The following MSRA variants were observed in gnomAD, a reference collection of about 807,000 sequenced individuals.
MSRA encodes the protein mitochondrial peptide methionine sulfoxide reductase.
Under a neutral mutation model 31.3 loss-of-function variants are expected in MSRA, and 54 were observed. The ratio of observed to expected loss-of-function variants is 1.73; its 90% confidence interval spans 1.39 to 2.17. The LOEUF (loss-of-function observed/expected upper bound fraction) is 2.17. MSRA is among the 30% of genes most tolerant of loss of function. The probability of loss-of-function intolerance (pLI) is 0.00; values close to 1 mark genes in which losing one functional copy is unlikely to be tolerated. For synonymous variants in MSRA, 169 were observed against 116.5 expected (o/e 1.45, Z -2.90); for missense variants, 507 against 300.9 (o/e 1.69, Z -5.07).
Position 10,192,518 on chromosome 8 carries a change from G to A in MSRA, c.143-15315G>A, listed in dbSNP as rs1235959211. ...TTAACTTAAAGTGTACCTTGCAATT[G>A]AACAGTGGTTGTTGTGCAACAAGGG... On this transcript the variant is annotated intron_variant, in intron 1 of 5. Transcript: ENST00000317173. Among the ~76,000 whole-genome samples the A allele has an allele frequency of 2.0e-5, 3 of 152,220 alleles. No homozygotes were observed. The East Asian group carries it at 5.8e-4, about 29-fold the overall frequency.
intron 1 of MSRA, among the ~76,000 whole-genome samples, chr8:10,083,555 C>G (rs1170604308): frequency 6.6e-6 from 1 of 152,156 alleles, no homozygotes; most frequent in African/African-American, 2.4e-5. Flanking sequence ...AATCATAAAC[C>G]TACAGTGTCT....
chr8:10,391,103 G>A (rs940547705), intron 5 of MSRA, among the ~76,000 whole-genome samples: 2 of 152,130 alleles, frequency 1.3e-5, no homozygotes. Context: ...ATATTTCCCA[G>A]ACTTACTTGT....
chr8:10,386,873 A>T (rs199497821), intron 5 of MSRA, among the ~76,000 whole-genome samples: 6 of 25,480 alleles, frequency 2.4e-4, no homozygotes, highest in East Asian at 1.5e-3. Flanking sequence ...TGGATTATTT[A>T]AAAAAAAAAA....
chr8:10,212,082 G>A lies in MSRA; in HGVS notation c.211+4181G>A, dbSNP rs374432121. 2.6e-4 allele frequency among the ~76,000 whole-genome samples: 40 copies of A among 152,072 alleles called. No individual in the cohort carries two copies. The East Asian group carries it at 5.6e-3, about 21-fold the overall frequency. ...TGCACCTCTAATCCTAGCTACTTGG[G>A]AGGCTGAGGCAGGAGAATTACTTGA... On this transcript the variant is annotated intron_variant, in intron 2 of 5. Transcript: ENST00000317173.
At chr8:10,323,934 CAG>C (rs142117297) in intron 5 of MSRA, among the ~76,000 whole-genome samples, 1,719 of 152,322 alleles carry the variant, frequency 0.011, 36 homozygotes, top group African/African-American at 0.039. Flanking sequence ...ATCACCAACT[CAG>C]GGGACAAATG....
intron 2 of MSRA, among the ~76,000 whole-genome samples, chr8:10,216,430 G>T (rs1809994403): frequency 6.6e-6 from 1 of 152,294 alleles, no homozygotes; most frequent in East Asian, 1.9e-4. Context: ...TACATAATAT[G>T]AAATTTATCA....
rs369422631 is a variant in MSRA, at chr8:10,323,919, G to A, written c.543+3930G>A. Among the ~76,000 whole-genome samples the A allele has an allele frequency of 3.9e-5, 6 of 152,170 alleles. No homozygotes were observed. The South Asian group carries it at 1.2e-3, about 32-fold the overall frequency. ...CTGCTCACATTACTGCATATAAACT[G>A]CTTAATCACCAACTCAGGGGACAAA... On this transcript the variant is annotated intron_variant, in intron 5 of 5. Coordinates refer to ENST00000317173, the MANE Select transcript of MSRA (RefSeq NM_012331.5).
intron 1 of MSRA, among the ~76,000 whole-genome samples, chr8:10,200,612 C>T (rs1186004425): frequency 6.6e-6 from 1 of 152,128 alleles, no homozygotes; most frequent in East Asian, 1.9e-4. Context: ...GCGTAGTGGT[C>T]AGCAGGGAGG....
intron 5 of MSRA, among the ~76,000 whole-genome samples, chr8:10,329,284 G>T (rs2129143030): frequency 6.6e-6 from 1 of 152,330 alleles, no homozygotes; most frequent in South Asian, 2.1e-4. Flanking sequence ...GGTACTAGCT[G>T]GGCTCTGCTC....
At chr8:10,180,290 A>G (rs1276248587) in intron 1 of MSRA, among the ~76,000 whole-genome samples, 1 of 152,196 alleles carries the variant, frequency 6.6e-6, no homozygotes. Context: ...AACCCAATGG[A>G]AGAGGTGCAT....
intron 1 of MSRA, among the ~76,000 whole-genome samples, chr8:10,109,136 C>A (rs930258712): frequency 6.6e-6 from 1 of 152,122 alleles, no homozygotes; most frequent in African/African-American, 2.4e-5. Context: ...TAGCAAAACA[C>A]AAATTAAGTC....
At chr8:10,282,475 A>G (rs1799673080) in intron 3 of MSRA, among the ~76,000 whole-genome samples, 1 of 152,218 alleles carries the variant, frequency 6.6e-6, no homozygotes, top group Admixed American at 6.5e-5. Flanking sequence ...GCAAAGCCAT[A>G]TTTGCCAGCA....
Position 10,301,650 on chromosome 8 carries a change from A to C in MSRA, c.436+12A>C. 6.3e-7 allele frequency: 1 copy of C among 1,592,534 alleles called. No individual in the cohort carries two copies. Among genetic ancestry groups the C allele is most frequent in the South Asian group, 1.1e-5 (1 of 89,738 alleles). Reference sequence around the variant, plus strand: ...CGACCCGACCCAAGGTAGAGTGATGAGTGAGCCAGTATTTAATTATCTTAC... The same window carrying C: ...CGACCCGACCCAAGGTAGAGTGATGCGTGAGCCAGTATTTAATTATCTTAC... On this transcript the variant is annotated intron_variant, in intron 4 of 5. Coordinates refer to ENST00000317173, the MANE Select transcript of MSRA (RefSeq NM_012331.5).
At chr8:10,173,102 A>C (rs529687588) in intron 1 of MSRA, among the ~76,000 whole-genome samples, 12 of 152,362 alleles carry the variant, frequency 7.9e-5, no homozygotes, top group South Asian at 4.1e-4. Context: ...TCTCACAGCA[A>C]TCTGGGTCTT....
rs547034512 is a variant in MSRA, at chr8:10,059,283, G to C, written c.142+4625G>C. Among the ~76,000 whole-genome samples, 3 of 152,302 alleles carry C rather than the reference G, an allele frequency of 2.0e-5. No individual in the cohort carries two copies. In the South Asian group the frequency reaches 6.2e-4, roughly 32 times the overall value. ...CTCACACTTGTTAAGTGTCTTGTAT[G>C]CCAGGCACTGTAGTAATTTACTAAT... On this transcript the variant is annotated intron_variant, in intron 1 of 5. Coordinates refer to ENST00000317173, the MANE Select transcript of MSRA (RefSeq NM_012331.5).
chr8:10,423,724 G>A (rs1247708757), intron 5 of MSRA, among the ~76,000 whole-genome samples: 2 of 152,296 alleles, frequency 1.3e-5, no homozygotes, highest in Non-Finnish European at 2.9e-5. Flanking sequence ...ACCTGCCCAT[G>A]GAACTGGCCA....
chr8:10,058,024 T>C (rs984156198), intron 1 of MSRA, among the ~76,000 whole-genome samples: 5 of 152,198 alleles, frequency 3.3e-5, no homozygotes, highest in Non-Finnish European at 7.4e-5. Context: ...GATCAGGTGT[T>C]TGGGATTTGG....
At chr8:10,359,912 A>G (rs1423973708) in intron 5 of MSRA, among the ~76,000 whole-genome samples, 2 of 152,176 alleles carry the variant, frequency 1.3e-5, no homozygotes, top group Non-Finnish European at 2.9e-5. Context: ...CACAGTGTTA[A>G]AACTGTGCAG....
chr8:10,130,630 C>T (rs774442305), intron 1 of MSRA, among the ~76,000 whole-genome samples: 6 of 152,082 alleles, frequency 3.9e-5, no homozygotes, highest in East Asian at 1.9e-4. Context: ...ACACAGAGAC[C>T]GCACATACAA....
Sources: gnomAD v4.1 joint callset for allele counts (sites outside exome capture counted in the v4.1 genomes callset) on GRCh38, gnomAD v4.1.1 for gene constraint, MANE v1.5 for transcripts, NCBI Gene and HGNC (gene_info 2026-07-23, HGNC 2026-07-21) for gene names.